Variants in DPF3 observed in about 807,000 individuals in gnomAD.
DPF3 encodes zinc finger protein DPF3.
DPF3 carries 18 observed loss-of-function variants against 56.8 expected under a neutral mutation model. That is an observed-to-expected ratio of 0.32 (90% CI 0.22 to 0.47). The LOEUF is 0.47. Among genes scored for constraint, DPF3 ranks in the 20% least tolerant of loss-of-function variants. The probability of loss-of-function intolerance (pLI) is 1.00; values close to 1 mark genes in which losing one functional copy is unlikely to be tolerated. For missense variants in DPF3, 403 were observed against 488.8 expected, an observed-to-expected ratio of 0.82 and a Z score of 1.65; for synonymous variants, 188 against 180.2, an observed-to-expected ratio of 1.04 and a Z score of -0.35.
chr14:72,621,538 C>A (rs957352809), intron 9 of DPF3, among the ~76,000 whole-genome samples: 1 of 152,138 alleles, frequency 6.6e-6, no homozygotes, highest in Non-Finnish European at 1.5e-5. Context: ...TGCTAAAACC[C>A]GTCAGTGGGG....
rs183116161 is a variant in DPF3, at chr14:72,687,320, T to A, written c.742+5756A>T. 3.4e-4 allele frequency among the ~76,000 whole-genome samples: 52 copies of A among 152,362 alleles called. 1 individual carries two copies. The highest frequency in any genetic ancestry group is 1.1e-3 in the African/African-American group (45 of 41,586). On this transcript the variant is annotated intron_variant, in intron 7 of 10. Coordinates refer to ENST00000556509, the MANE Select transcript of DPF3 (RefSeq NM_001280542.3). ...TACATTTTATAGACTCATATTTTTT[T>A]AAATTTCCCTCTTAGGAGCTCTGAG...
chr14:72,685,596 C>T (rs1887374053), intron 7 of DPF3, among the ~76,000 whole-genome samples: 1 of 152,228 alleles, frequency 6.6e-6, no homozygotes, highest in Admixed American at 6.5e-5. Context: ...AATTCACATT[C>T]ATCCTCCCTG....
rs58405648 is a variant in DPF3 at position 72,863,058 on chromosome 14, TTATATATA to T, written c.32+30991_32+30998del. ...TCTCCTTCCAGATATATTATTCCAT[TTATATATA>T]TATATATATATATATATATATATAT... On this transcript the variant is annotated intron_variant, in intron 1 of 10. Transcript: ENST00000556509. Among the ~76,000 whole-genome samples the T allele has an allele frequency of 2.2e-3, 310 of 139,856 alleles. 2 individuals are homozygous for T. Among genetic ancestry groups the T allele is most frequent in the Middle Eastern group, 7.3e-3 (2 of 274 alleles). 91.8% of individuals were successfully genotyped at this position (139,856 alleles called of 152,430 possible).
Position 72,731,960 on chromosome 14 carries a change from G to A in DPF3, c.302-26C>T, listed in dbSNP as rs369286574. 3.1e-5 allele frequency: 49 copies of A among 1,561,206 alleles called. 1 individual carries two copies. The highest frequency in any genetic ancestry group is 1.7e-4 in the Middle Eastern group (1 of 5,930). On this transcript the variant is annotated intron_variant, in intron 3 of 10. Transcript: ENST00000556509. ...CTGAAAAACAAAGATAGAAAGGCAG[G>A]TCAGGCCACTAGAAGCAGGCAGGGC...
chr14:72,689,787 G>T (rs1887595975), intron 7 of DPF3, among the ~76,000 whole-genome samples: 1 of 152,126 alleles, frequency 6.6e-6, no homozygotes, highest in Non-Finnish European at 1.5e-5. Context: ...GCTGCCTCAT[G>T]GGTTTGTCCA....
At chr14:72,814,682 G>C (rs1048383621) in intron 1 of DPF3, among the ~76,000 whole-genome samples, 5 of 152,088 alleles carry the variant, frequency 3.3e-5, no homozygotes, top group African/African-American at 1.2e-4. Flanking sequence ...GGTCATGATG[G>C]CAGGTGCCTG....
intron 1 of DPF3, among the ~76,000 whole-genome samples, chr14:72,847,220 C>T (rs777268296): frequency 6.6e-6 from 1 of 152,140 alleles, no homozygotes; most frequent in Non-Finnish European, 1.5e-5. Context: ...TGGACCAGAC[C>T]GCGTCCTAAG....
At position 72,723,646 on chromosome 14, in the gene DPF3, C is replaced by G; in HGVS notation, c.512G>C (p.Arg171Thr). 6.3e-7 allele frequency: 1 copy of G among 1,581,956 alleles called. No homozygotes were observed. The highest frequency in any genetic ancestry group is 1.4e-5 in the African/African-American group (1 of 72,234). ...TCCCCAACTTACCCGTCCTCTAGTCCTGTTCTTTCGCTTGGGAATATCCTC... is the reference window on the plus strand; with the variant it reads ...TCCCCAACTTACCCGTCCTCTAGTCGTGTTCTTTCGCTTGGGAATATCCTC... ...LEEDIPKRKN[R>T]TRGRARGSAG... Residue 171 changes from arginine (R) to threonine (T), a missense_variant, in exon 5 of 11, where the codon AGG becomes ACG. By Grantham distance (71) the Arg-to-Thr change is moderately conservative. Coordinates refer to ENST00000556509, the MANE Select transcript of DPF3 (RefSeq NM_001280542.3).
At chr14:72,738,139 G>C (rs1182202427) in intron 3 of DPF3, among the ~76,000 whole-genome samples, 6 of 152,208 alleles carry the variant, frequency 3.9e-5, no homozygotes, top group African/African-American at 1.2e-4. Context: ...CACAGGGGAA[G>C]AGACTGGGGA....
At chr14:72,768,196 A>C (rs1412887893) in intron 2 of DPF3, among the ~76,000 whole-genome samples, 5 of 152,216 alleles carry the variant, frequency 3.3e-5, no homozygotes, top group African/African-American at 1.2e-4. Flanking sequence ...GAATCTTGGA[A>C]CTTCAGTAAG....
At chr14:72,735,595 GA>G (rs1488599401) in intron 3 of DPF3, among the ~76,000 whole-genome samples, 3 of 152,218 alleles carry the variant, frequency 2.0e-5, no homozygotes, top group Non-Finnish European at 4.4e-5. Flanking sequence ...GTGAAGCACA[GA>G]AAGATATAGA....
intron 1 of DPF3, among the ~76,000 whole-genome samples, chr14:72,891,299 G>C (rs1375170783): frequency 7.5e-6 from 1 of 132,646 alleles, no homozygotes; most frequent in Admixed American, 8.7e-5. Context: ...TGTAGGAGAC[G>C]TCCGTGGTGT....
At chr14:72,787,284 C>T (rs563274365) in intron 1 of DPF3, among the ~76,000 whole-genome samples, 11 of 152,338 alleles carry the variant, frequency 7.2e-5, no homozygotes, top group East Asian at 1.9e-4. Flanking sequence ...TAGGGAAAAG[C>T]GGGTCTGCCC....
At chr14:72,681,827 G>A (rs974009956) in intron 7 of DPF3, among the ~76,000 whole-genome samples, 7 of 152,156 alleles carry the variant, frequency 4.6e-5, no homozygotes, top group Non-Finnish European at 5.9e-5. Flanking sequence ...ATGGTCACAC[G>A]GCCCCCAAGG....
chr14:72,767,987 G>A (rs779839825), intron 2 of DPF3, among the ~76,000 whole-genome samples: 1 of 152,112 alleles, frequency 6.6e-6, no homozygotes, highest in East Asian at 1.9e-4. Flanking sequence ...TCAGAAAGAA[G>A]TGGCAAAACC....
intron 2 of DPF3, among the ~76,000 whole-genome samples, chr14:72,762,398 A>C (rs1266676007): frequency 6.6e-6 from 1 of 151,892 alleles, no homozygotes; most frequent in Non-Finnish European, 1.5e-5. Context: ...AAATCAATCA[A>C]TGTAACTCAT....
intron 1 of DPF3, among the ~76,000 whole-genome samples, chr14:72,791,477 C>T (rs1892428172): frequency 6.6e-6 from 1 of 152,220 alleles, no homozygotes; most frequent in South Asian, 2.1e-4. Context: ...CTGGGGAGCC[C>T]AGCAAGCCCA....
At position 72,614,615 on chromosome 14, in the gene DPF3, G is replaced by A. The variant is rs907888836; in HGVS notation, c.*4682C>T. On this transcript the variant is annotated 3_prime_UTR_variant, in exon 11 of 11. Transcript: ENST00000556509. ...CACTGCCTTCTCTCCCCAGCTGGGT[G>A]AGGGGCTTACTTTGCCCTCAGAAGC... is the stretch of plus-strand genomic sequence containing the variant. Among the ~76,000 whole-genome samples the A allele has an allele frequency of 8.6e-5, 13 of 151,994 alleles. No homozygotes were observed. The highest frequency in any genetic ancestry group is 7.9e-4 in the Admixed American group (12 of 15,272).
chr14:72,703,711 T>C (rs554092580), intron 6 of DPF3, among the ~76,000 whole-genome samples: 1 of 152,254 alleles, frequency 6.6e-6, no homozygotes, highest in African/African-American at 2.4e-5. Flanking sequence ...CAATAACAGT[T>C]TGTAGCTCAT....
Sources: allele counts gnomAD v4.1 joint callset (sites outside exome capture counted in the v4.1 genomes callset), GRCh38; gene constraint gnomAD v4.1.1; transcripts MANE v1.5; gene names NCBI Gene and HGNC (gene_info 2026-07-23, HGNC 2026-07-21).